The following FRRS1 variants were observed in gnomAD, a reference collection of about 807,000 sequenced individuals.
The protein encoded by FRRS1 is ferric reductase 1.
Under a neutral mutation model 70.7 loss-of-function variants are expected in FRRS1, and 51 were observed. The observed-to-expected ratio is 0.72, with a 90% CI of 0.58 to 0.91. The LOEUF (loss-of-function observed/expected upper bound fraction) is 0.91. Among genes scored for constraint, FRRS1 ranks in the 40% least tolerant of loss-of-function variants. The pLI, the probability that FRRS1 is intolerant of heterozygous loss-of-function variation, is 0.00. For missense variants in FRRS1, 672 were observed against 726.0 expected, an observed-to-expected ratio of 0.93 and a Z score of 0.86; for synonymous variants, 225 against 238.7, an observed-to-expected ratio of 0.94 and a Z score of 0.53.
chr1:99,737,911 T>C (rs1655752436), intron 7 of FRRS1, among the ~76,000 whole-genome samples, 175 bp downstream of exon 7: 1 of 152,152 alleles, frequency 6.6e-6, no homozygotes, highest in Non-Finnish European at 1.5e-5. Context: ...CTAGGCTAAT[T>C]TTTGTATTTT....
intron 1 of FRRS1, among the ~76,000 whole-genome samples, chr1:99,757,929 G>A (rs1656914760): frequency 6.9e-6 from 1 of 144,878 alleles, no homozygotes; most frequent in South Asian, 2.2e-4. Context: ...ATTTTGCCAG[G>A]CTAAGGAGAA....
intron 1 of FRRS1, among the ~76,000 whole-genome samples, chr1:99,749,760 T>C (rs925286095): frequency 2.0e-5 from 3 of 152,212 alleles, no homozygotes; most frequent in African/African-American, 7.2e-5. Context: ...GAAAACCAGC[T>C]ACTTTACCTC....
chr1:99,762,865 C>A (rs1418080158), intron 1 of FRRS1, among the ~76,000 whole-genome samples: 1 of 152,116 alleles, frequency 6.6e-6, no homozygotes, highest in Non-Finnish European at 1.5e-5. Flanking sequence ...ATCCCTCTTG[C>A]AACTCTCTTC....
intron 9 of FRRS1, among the ~76,000 whole-genome samples, chr1:99,727,509 T>C (rs1018026038): frequency 6.6e-6 from 1 of 152,228 alleles, no homozygotes; most frequent in African/African-American, 2.4e-5. Flanking sequence ...ATTTTAACAT[T>C]GAGCAGATAT....
At chr1:99,723,515 C>CA (rs1406689703) in intron 9 of FRRS1, among the ~76,000 whole-genome samples, 1 of 150,822 alleles carries the variant, frequency 6.6e-6, no homozygotes, top group Non-Finnish European at 1.5e-5. Context: ...GACCCTATCT[C>CA]AAAAAAAAGA....
intron 1 of FRRS1, among the ~76,000 whole-genome samples, chr1:99,762,764 A>G (rs997509248): frequency 1.3e-5 from 2 of 151,784 alleles, no homozygotes; most frequent in African/African-American, 4.8e-5. Flanking sequence ...CAAACCCCGA[A>G]CTCTCAGGAT....
At chr1:99,732,144 G>T (rs547028325) in intron 7 of FRRS1, among the ~76,000 whole-genome samples, 1 of 152,250 alleles carries the variant, frequency 6.6e-6, no homozygotes, top group Admixed American at 6.5e-5. Context: ...GAAGATGATG[G>T]GGATAGACAG....
chr1:99,726,595 A>G (rs1655088683), intron 9 of FRRS1, among the ~76,000 whole-genome samples: 1 of 152,258 alleles, frequency 6.6e-6, no homozygotes, highest in Non-Finnish European at 1.5e-5. Context: ...ATATGCAACA[A>G]GTGATAGCTG....
At chr1:99,753,874 T>C (rs533904155) in intron 1 of FRRS1, among the ~76,000 whole-genome samples, 1 of 152,326 alleles carries the variant, frequency 6.6e-6, no homozygotes, top group African/African-American at 2.4e-5. Flanking sequence ...AAACAGACCC[T>C]ATTATGTGTT....
Position 99,705,691 on chromosome 1 carries a change from T to C in FRRS1, c.*3337A>G, listed in dbSNP as rs199513331. Among the ~76,000 whole-genome samples the C allele has an allele frequency of 6.6e-6, 1 of 152,202 alleles. No homozygotes were observed. Among genetic ancestry groups the C allele is most frequent in the Admixed American group, 6.5e-5 (1 of 15,278 alleles). ...ACTAAAGTGAATTTGATTCATTTACTTGATAACCCATACTATAGACTACCT... is the reference window on the plus strand; with the variant it reads ...ACTAAAGTGAATTTGATTCATTTACCTGATAACCCATACTATAGACTACCT... On this transcript the variant is annotated 3_prime_UTR_variant, in exon 17 of 17. Coordinates refer to ENST00000646001, the MANE Select transcript of FRRS1 (RefSeq NM_001361041.2).
intron 12 of FRRS1, among the ~76,000 whole-genome samples, chr1:99,713,097 G>C (rs983885448): frequency 7.1e-6 from 1 of 140,786 alleles, no homozygotes; most frequent in Admixed American, 6.9e-5. Context: ...CAAGATTCTT[G>C]CATGTGTTTA....
At chr1:99,733,461 A>G (rs990792552) in intron 7 of FRRS1, among the ~76,000 whole-genome samples, 13 of 152,352 alleles carry the variant, frequency 8.5e-5, no homozygotes, top group African/African-American at 3.1e-4. Flanking sequence ...GAAATGCATG[A>G]AAGTATGAAT....
chr1:99,716,963 A>ATT (rs1221005554), intron 11 of FRRS1, among the ~76,000 whole-genome samples: 1 of 152,214 alleles, frequency 6.6e-6, no homozygotes, highest in Non-Finnish European at 1.5e-5. Flanking sequence ...TTAATCTAAC[A>ATT]TTCAATGGCC....
chr1:99,760,093 T>A (rs1030848010), intron 1 of FRRS1, among the ~76,000 whole-genome samples: 1 of 152,162 alleles, frequency 6.6e-6, no homozygotes, highest in East Asian at 1.9e-4. Flanking sequence ...TGAATAGCAA[T>A]GTAGAGATTT....
At chr1:99,738,532 G>A (rs575937001) in intron 6 of FRRS1, among the ~76,000 whole-genome samples, 16 of 152,264 alleles carry the variant, frequency 1.1e-4, no homozygotes, top group African/African-American at 3.9e-4. Context: ...AATTGTGCAA[G>A]GGTATTAAAG....
At chr1:99,721,231 T>C (rs1654805519) in intron 9 of FRRS1, among the ~76,000 whole-genome samples, 1 of 151,782 alleles carries the variant, frequency 6.6e-6, no homozygotes, top group Non-Finnish European at 1.5e-5. Context: ...CTACAAAAAT[T>C]AGCCGGGTGC....
chr1:99,744,064 T>TAAAAAAAAAAAAA (rs112254806), intron 4 of FRRS1, among the ~76,000 whole-genome samples: 2 of 124,356 alleles, frequency 1.6e-5, no homozygotes, highest in Non-Finnish European at 1.6e-5. Flanking sequence ...AGAACGATTG[T>TAAAAAAAAAAAAA]AAAAAAAAAA....
At chr1:99,736,325 G>C (rs1193774168) in intron 7 of FRRS1, among the ~76,000 whole-genome samples, 2 of 152,112 alleles carry the variant, frequency 1.3e-5, no homozygotes, top group Non-Finnish European at 2.9e-5. Context: ...AACTTGGAAG[G>C]GGAAGGATTC....
At chr1:99,736,862 C>T (rs377204773) in intron 7 of FRRS1, among the ~76,000 whole-genome samples, 6 of 151,278 alleles carry the variant, frequency 4.0e-5, no homozygotes, top group African/African-American at 1.5e-4. Flanking sequence ...TAGTTACATC[C>T]AGCGTCTTAC....
Sources: gnomAD v4.1 joint callset for allele counts (sites outside exome capture counted in the v4.1 genomes callset) on GRCh38, gnomAD v4.1.1 for gene constraint, MANE v1.5 for transcripts, NCBI Gene and HGNC (gene_info 2026-07-23, HGNC 2026-07-21) for gene names.